GULP1: variants seen among roughly 807,000 people sequenced by gnomAD.
GULP1 encodes the protein GULP PTB domain containing engulfment adaptor 1.
In GULP1, 19 loss-of-function variants were observed where a neutral mutation model predicts 40.9. The observed-to-expected ratio is 0.46, with a 90% CI of 0.32 to 0.68. The LOEUF is 0.68. Among genes scored for constraint, GULP1 ranks in the 30% least tolerant of loss-of-function variants. GULP1 has a pLI of 0.03. For missense variants in GULP1, 312 were observed against 362.2 expected, an observed-to-expected ratio of 0.86 and a Z score of 1.12; for synonymous variants, 119 against 117.6, an observed-to-expected ratio of 1.01 and a Z score of -0.08.
intron 4 of GULP1, among the ~76,000 whole-genome samples, chr2:188,486,054 T>C (rs772923344): frequency 3.9e-5 from 6 of 152,028 alleles, no homozygotes; most frequent in Non-Finnish European, 8.8e-5. Context: ...CTCATACAAG[T>C]ATTAATGATG....
chr2:188,585,968 A>C (rs376579061), intron 10 of GULP1, among the ~76,000 whole-genome samples: 1 of 152,238 alleles, frequency 6.6e-6, no homozygotes, highest in African/African-American at 2.4e-5. Flanking sequence ...TCTAATTTCA[A>C]ATTATTTCTT....
intron 9 of GULP1, among the ~76,000 whole-genome samples, chr2:188,574,547 C>T (rs1009567344): frequency 6.6e-6 from 1 of 151,894 alleles, no homozygotes; most frequent in Admixed American, 6.6e-5. Flanking sequence ...TTGCTTGAGC[C>T]GGGGAGGTGG....
intron 2 of GULP1, among the ~76,000 whole-genome samples, chr2:188,424,916 A>T (rs1436289060): frequency 6.6e-6 from 1 of 152,000 alleles, no homozygotes; most frequent in Admixed American, 6.6e-5. Context: ...CTAGATATAA[A>T]GGTTTGATCA....
At chr2:188,369,452 C>T (rs1006181712) in intron 1 of GULP1, among the ~76,000 whole-genome samples, 2 of 151,946 alleles carry the variant, frequency 1.3e-5, no homozygotes, top group Non-Finnish European at 2.9e-5. Context: ...GACAGGAACC[C>T]CAGCCAACAT....
intron 1 of GULP1, among the ~76,000 whole-genome samples, chr2:188,331,360 T>C (rs2041553156): frequency 6.6e-6 from 1 of 152,232 alleles, no homozygotes; most frequent in African/African-American, 2.4e-5. Flanking sequence ...TTTTATGTTT[T>C]CTTTTGTGCA....
At chr2:188,390,160 A>C (rs2050319286) in intron 2 of GULP1, among the ~76,000 whole-genome samples, 1 of 152,162 alleles carries the variant, frequency 6.6e-6, no homozygotes, top group Admixed American at 6.6e-5. Context: ...GCTGGATCAA[A>C]TGTTAGATCT....
At chr2:188,466,862 T>C (rs2060172234) in intron 2 of GULP1, among the ~76,000 whole-genome samples, 1 of 152,106 alleles carries the variant, frequency 6.6e-6, no homozygotes, top group Non-Finnish European at 1.5e-5. Flanking sequence ...TACTCACCGC[T>C]ATACTAATAA....
At chr2:188,504,931 C>T (rs1202397332) in intron 4 of GULP1, among the ~76,000 whole-genome samples, 1 of 150,480 alleles carries the variant, frequency 6.6e-6, no homozygotes, top group Non-Finnish European at 1.5e-5. Context: ...CCTGTTTCTA[C>T]TCTTCCATTT....
chr2:188,352,021 T>C (rs2044521703), intron 1 of GULP1, among the ~76,000 whole-genome samples: 1 of 152,156 alleles, frequency 6.6e-6, no homozygotes, highest in African/African-American at 2.4e-5. Context: ...GAGTTTGCAC[T>C]AGTTGTTCTG....
intron 2 of GULP1, among the ~76,000 whole-genome samples, chr2:188,434,819 A>C (rs72911432): frequency 0.012 from 1,850 of 151,844 alleles, 16 homozygotes; most frequent in East Asian, 0.022. Flanking sequence ...ATTAGGCTAG[A>C]GTTTTAATCT....
At chr2:188,463,753 A>C (rs2152974793) in intron 2 of GULP1, among the ~76,000 whole-genome samples, 1 of 151,936 alleles carries the variant, frequency 6.6e-6, no homozygotes, top group South Asian at 2.1e-4. Context: ...CAAGCCCACT[A>C]ATTCTTTCCT....
intron 9 of GULP1, among the ~76,000 whole-genome samples, chr2:188,574,695 A>G (rs1187112340): frequency 6.6e-6 from 1 of 152,158 alleles, no homozygotes; most frequent in Non-Finnish European, 1.5e-5. Flanking sequence ...TGGCTAGATA[A>G]CTAAAAAATG....
intron 2 of GULP1, among the ~76,000 whole-genome samples, chr2:188,449,526 C>T (rs970755523): frequency 3.3e-5 from 5 of 152,084 alleles, no homozygotes; most frequent in Non-Finnish European, 5.9e-5. Context: ...TTATGGAACT[C>T]GGTTTATAAC....
rs1049120493 is a variant in GULP1, at chr2:188,409,750, A to C, written c.-45+25861A>C. Among the ~76,000 whole-genome samples the C allele has an allele frequency of 2.6e-5, 4 of 152,296 alleles. 1 individual carries two copies. The highest frequency in any genetic ancestry group is 4.1e-4 in the South Asian group (2 of 4,824). On this transcript the variant is annotated intron_variant, in intron 2 of 11. Coordinates refer to ENST00000409830, the MANE Select transcript of GULP1 (RefSeq NM_016315.4). ...CTGAATTCAACAGCATGTTAAAAGA[A>C]TCATTCACCATGATCAAGTGGGAAT...
rs370916265 is a variant in GULP1, at chr2:188,430,223, T to A, written c.-45+46334T>A. 2.0e-5 allele frequency among the ~76,000 whole-genome samples: 3 copies of A among 152,110 alleles called. No homozygotes were observed. The South Asian group carries it at 6.2e-4, about 31-fold the overall frequency. ...TATCCAGTGTGATAATAAAAAGAGC[T>A]CAAAAGTGATGTAAAAAGTTACATG... On this transcript the variant is annotated intron_variant, in intron 2 of 11. Coordinates refer to ENST00000409830, the MANE Select transcript of GULP1 (RefSeq NM_016315.4).
chr2:188,368,393 C>G (rs1197864630), intron 1 of GULP1, among the ~76,000 whole-genome samples: 2 of 151,918 alleles, frequency 1.3e-5, no homozygotes, highest in African/African-American at 2.4e-5. Context: ...CCAGCCTGAT[C>G]AATATGGTGA....
At chr2:188,367,874 G>A (rs1482200211) in intron 1 of GULP1, among the ~76,000 whole-genome samples, 1 of 152,172 alleles carries the variant, frequency 6.6e-6, no homozygotes, top group Non-Finnish European at 1.5e-5. Flanking sequence ...TGTTTTGACT[G>A]TAGGATGGGT....
intron 1 of GULP1, among the ~76,000 whole-genome samples, chr2:188,381,792 G>T (rs2049035302): frequency 6.6e-6 from 1 of 152,106 alleles, no homozygotes; most frequent in Admixed American, 6.6e-5. Flanking sequence ...TTTTAACTAT[G>T]TGTCATGCTT....
chr2:188,509,735 T>C (rs2064313124), intron 4 of GULP1, among the ~76,000 whole-genome samples: 1 of 152,094 alleles, frequency 6.6e-6, no homozygotes, highest in African/African-American at 2.4e-5. Context: ...AAAACTACGC[T>C]GTGGCAATAA....
Sources: gnomAD v4.1 joint callset for allele counts (sites outside exome capture counted in the v4.1 genomes callset) on GRCh38, gnomAD v4.1.1 for gene constraint, MANE v1.5 for transcripts, NCBI Gene and HGNC (gene_info 2026-07-23, HGNC 2026-07-21) for gene names.